Variants in NELL1 observed in about 807,000 individuals in gnomAD.
NELL1 encodes the protein neural EGFL like 1, also known as protein kinase C-binding protein NELL1.
Under a neutral mutation model 107.4 loss-of-function variants are expected in NELL1, and 76 were observed. The observed-to-expected ratio is 0.71, with a 90% CI of 0.59 to 0.86. NELL1 has a LOEUF of 0.86. NELL1 is among the 40% of genes least tolerant of loss of function. The pLI, the probability that NELL1 is intolerant of heterozygous loss-of-function variation, is 0.00. For synonymous variants in NELL1, 353 were observed against 341.2 expected (o/e 1.03, Z -0.38); for missense variants, 1,024 against 1,005.5 (o/e 1.02, Z -0.25).
chr11:21,083,002 A>G (rs1206872731), intron 12 of NELL1, among the ~76,000 whole-genome samples: 1 of 152,196 alleles, frequency 6.6e-6, no homozygotes, highest in East Asian at 1.9e-4. Flanking sequence ...TGGATAGACT[A>G]TGTTGGTCAG....
At chr11:20,764,611 CTT>C (rs200315813) in intron 2 of NELL1, among the ~76,000 whole-genome samples, 18 of 142,008 alleles carry the variant, frequency 1.3e-4, no homozygotes, top group Admixed American at 3.5e-4. Flanking sequence ...CACCCCAGAC[CTT>C]TTTTTTTTTT....
At chr11:21,573,554 A>T in intron 19 of NELL1, 145 bp downstream of exon 19, 1 of 702,342 alleles carries the variant, frequency 1.4e-6, no homozygotes, top group Non-Finnish European at 2.4e-6. Flanking sequence ...TAGGAATTTA[A>T]TATGTATGAA....
At chr11:21,087,785 A>G (rs1323079683) in intron 12 of NELL1, among the ~76,000 whole-genome samples, 2 of 152,160 alleles carry the variant, frequency 1.3e-5, no homozygotes, top group Non-Finnish European at 2.9e-5. Context: ...TTAGTTATAT[A>G]GCTGATTGTT....
At chr11:21,489,644 A>G (rs1854747478) in intron 15 of NELL1, among the ~76,000 whole-genome samples, 1 of 152,024 alleles carries the variant, frequency 6.6e-6, no homozygotes, top group Non-Finnish European at 1.5e-5. Context: ...GATTCAACAT[A>G]TGCAAATCAA....
intron 1 of NELL1, among the ~76,000 whole-genome samples, chr11:20,675,924 C>CT (rs1159874946): frequency 6.6e-6 from 1 of 151,870 alleles, no homozygotes; most frequent in Non-Finnish European, 1.5e-5. Context: ...ATTTTTTGAT[C>CT]TTTTTGTAGA....
chr11:20,918,336 A>G, intron 6 of NELL1, 82 bp downstream of exon 6: 2 of 854,690 alleles, frequency 2.3e-6, no homozygotes, highest in African/African-American at 1.7e-5. Context: ...AGATAGACCC[A>G]AATTGTTTAC....
chr11:21,232,157 A>ATAT (rs1284072980), intron 14 of NELL1, among the ~76,000 whole-genome samples: 21 of 51,038 alleles, frequency 4.1e-4, no homozygotes, highest in African/African-American at 1.6e-3. Context: ...TAAAAAAAAA[A>ATAT]AAATATATAT....
intron 5 of NELL1, among the ~76,000 whole-genome samples, chr11:20,913,078 A>C (rs1461771567): frequency 4.6e-5 from 7 of 152,136 alleles, no homozygotes; most frequent in Non-Finnish European, 1.0e-4. Flanking sequence ...TAACGTCTTC[A>C]GGGCAGAAGT....
intron 14 of NELL1, among the ~76,000 whole-genome samples, chr11:21,288,934 C>T (rs1471810677): frequency 6.6e-6 from 1 of 152,166 alleles, no homozygotes; most frequent in Non-Finnish European, 1.5e-5. Flanking sequence ...ACAGCAATGG[C>T]ACCTGGGTTC....
At chr11:21,195,721 G>A (rs996311895) in intron 13 of NELL1, among the ~76,000 whole-genome samples, 2 of 152,002 alleles carry the variant, frequency 1.3e-5, no homozygotes, top group African/African-American at 4.8e-5. Flanking sequence ...TTGAAATTCA[G>A]TGTATATCTT....
intron 13 of NELL1, among the ~76,000 whole-genome samples, chr11:21,156,154 T>A (rs1208891147): frequency 6.6e-6 from 1 of 151,746 alleles, no homozygotes; most frequent in Non-Finnish European, 1.5e-5. Context: ...TGAAGGAGGA[T>A]GAAGATTTAA....
intron 2 of NELL1, among the ~76,000 whole-genome samples, chr11:20,705,123 A>C (rs1312002645): frequency 6.6e-6 from 1 of 152,210 alleles, no homozygotes; most frequent in Non-Finnish European, 1.5e-5. Context: ...ATCCCCATCA[A>C]GCTACCAATG....
chr11:20,695,529 T>C (rs1022741638), intron 2 of NELL1, among the ~76,000 whole-genome samples: 11 of 152,160 alleles, frequency 7.2e-5, no homozygotes, highest in African/African-American at 2.7e-4. Flanking sequence ...CAAAAGCTTT[T>C]TCTGTGCCTA....
intron 12 of NELL1, among the ~76,000 whole-genome samples, chr11:21,027,304 AGTTTAGT>A (rs1267051835): frequency 5.1e-4 from 76 of 148,082 alleles, no homozygotes; most frequent in African/African-American, 1.9e-3. Flanking sequence ...AGTTTAGTTT[AGTTTAGT>A]TTAGTTTAGT....
chr11:21,123,452 GA>G (rs1200340880), intron 13 of NELL1, among the ~76,000 whole-genome samples: 1 of 151,728 alleles, frequency 6.6e-6, no homozygotes, highest in East Asian at 1.9e-4. Flanking sequence ...TTAATAAAAA[GA>G]AATGCAAATT....
intron 15 of NELL1, among the ~76,000 whole-genome samples, chr11:21,466,539 C>T (rs1009702788): frequency 6.6e-6 from 1 of 152,110 alleles, no homozygotes; most frequent in African/African-American, 2.4e-5. Flanking sequence ...AAGAGATGAG[C>T]AATGAATCCT....
At chr11:21,087,562 T>C (rs187778064) in intron 12 of NELL1, among the ~76,000 whole-genome samples, 1 of 152,288 alleles carries the variant, frequency 6.6e-6, no homozygotes, top group East Asian at 1.9e-4. Flanking sequence ...TTTTCTCTAA[T>C]ATCATTTATG....
chr11:21,536,539 C>G (rs1364046645), intron 16 of NELL1, among the ~76,000 whole-genome samples: 1 of 152,150 alleles, frequency 6.6e-6, no homozygotes, highest in Non-Finnish European at 1.5e-5. Flanking sequence ...AACTCTAGAT[C>G]TATCTTTTTC....
At chr11:20,683,367 A>G (rs1180834449) in intron 2 of NELL1, among the ~76,000 whole-genome samples, 1 of 152,012 alleles carries the variant, frequency 6.6e-6, no homozygotes. Context: ...TTATATGGGT[A>G]AATTATGTGT....
Sources: allele counts gnomAD v4.1 joint callset (sites outside exome capture counted in the v4.1 genomes callset), GRCh38; gene constraint gnomAD v4.1.1; transcripts MANE v1.5; gene names NCBI Gene and HGNC (gene_info 2026-07-23, HGNC 2026-07-21).